The following TEX10 variants were observed in gnomAD, a reference collection of about 807,000 sequenced individuals.
The protein encoded by TEX10 is testis expressed 10.
Under a neutral mutation model 104.4 loss-of-function variants are expected in TEX10, and 24 were observed. That is an observed-to-expected ratio of 0.23 (90% CI 0.17 to 0.32). TEX10 has a LOEUF of 0.32. TEX10 is among the 10% of genes least tolerant of loss of function. TEX10 has a pLI of 1.00. For synonymous variants in TEX10, 396 were observed against 393.4 expected (o/e 1.01, Z -0.08); for missense variants, 921 against 1,083.9 (o/e 0.85, Z 2.11).
In TEX10 at chr9:100,334,090, T is replaced by C. The variant is rs1485006776; in HGVS notation, c.1251-3921A>G. On this transcript the variant is annotated intron_variant, in intron 5 of 14. Coordinates refer to ENST00000374902, the MANE Select transcript of TEX10 (RefSeq NM_017746.4). ...AAAGGGAAGAAGAGAAATTGGCAAATGTTTAAAAGATAATACGTTTTTCAG... is the reference window on the plus strand; with the variant it reads ...AAAGGGAAGAAGAGAAATTGGCAAACGTTTAAAAGATAATACGTTTTTCAG... Among the ~76,000 whole-genome samples, 5 of 152,226 alleles carry C rather than the reference T, an allele frequency of 3.3e-5. No homozygotes were observed. The East Asian group carries it at 5.8e-4, about 18-fold the overall frequency.
chr9:100,308,703 T>C (rs1834200694), intron 12 of TEX10, 22 bp from the exon 13 acceptor site: 1 of 1,564,990 alleles, frequency 6.4e-7, no homozygotes, highest in Non-Finnish European at 8.6e-7. Context: ...AAAACGAGAT[T>C]AATCACCTCT....
At chr9:100,346,667 T>C (rs1166137775) in intron 3 of TEX10, 27 bp downstream of exon 3, 1 of 1,577,130 alleles carries the variant, frequency 6.3e-7, no homozygotes, top group South Asian at 1.2e-5. Flanking sequence ...AGCAAAACTG[T>C]GTGGACATAA....
Position 100,349,382 on chromosome 9 carries a change from A to G in TEX10, c.-9-10T>C. The G allele has an allele frequency of 6.5e-7, 1 of 1,529,928 alleles. No individual in the cohort carries two copies. Among genetic ancestry groups the G allele is most frequent in the Non-Finnish European group, 8.8e-7 (1 of 1,141,512 alleles). The allele number at this position is 1,529,928 out of a possible 1,614,324, so 94.8% of individuals were successfully genotyped here. On this transcript the variant is annotated splice_polypyrimidine_tract_variant and intron_variant, in intron 1 of 14. Transcript: ENST00000374902. ...TAGTCATTCTCGACTACTATAATGA[A>G]AAGAATTAATTAAAAGCAATGGATA...
intron 7 of TEX10, 139 bp downstream of exon 7, chr9:100,329,001 C>T (rs1345786254): frequency 1.0e-6 from 1 of 955,666 alleles, no homozygotes; most frequent in African/African-American, 1.7e-5. Context: ...AAATTTTATA[C>T]CATTTCTTAA....
chr9:100,329,329 CCCAAATT>C, intron 6 of TEX10, 54 bp from the exon 7 acceptor site: 1 of 1,569,170 alleles, frequency 6.4e-7, no homozygotes, highest in East Asian at 2.3e-5. Flanking sequence ...TTTAACAGCC[CCCAAATT>C]CCTCTGAATG....
chr9:100,335,218 T>G (rs1026708532), intron 5 of TEX10, among the ~76,000 whole-genome samples: 2 of 152,126 alleles, frequency 1.3e-5, no homozygotes, highest in African/African-American at 4.8e-5. Flanking sequence ...TTTTTTTTTC[T>G]TTTTGGAGAA....
At chr9:100,304,883 T>C (rs1188166941) in intron 13 of TEX10, 1 of 151,968 alleles carries the variant, frequency 6.6e-6, no homozygotes, top group Non-Finnish European at 1.5e-5. Flanking sequence ...TCAAGATAGA[T>C]TAAGAATTCA....
chr9:100,302,371 T>G, intron 14 of TEX10, 67 bp from the exon 15 acceptor site: 1 of 1,122,076 alleles, frequency 8.9e-7, no homozygotes, highest in Non-Finnish European at 1.3e-6. Context: ...ACAGTATTTT[T>G]CACACCCAAA....
chr9:100,320,376 A>G lies in TEX10; in HGVS notation c.2091T>C (p.Thr697=). The change falls in exon 11 of 15, where the codon ACT becomes ACC. Residue 697 remains threonine (T), a synonymous_variant. Coordinates refer to ENST00000374902, the MANE Select transcript of TEX10 (RefSeq NM_017746.4). ...TLTGFSKEEL[T]WLQSLRGVPH... ...GAACTCCTCGAAGGCTCTGAAGCCA[A>G]GTCAACTCCTCTTTCGAAAACCCTA... 1 of 1,611,132 alleles carries G rather than the reference A, an allele frequency of 6.2e-7. No homozygotes were observed. The highest frequency in any genetic ancestry group is 2.2e-5 in the East Asian group (1 of 44,840).
intron 9 of TEX10, among the ~76,000 whole-genome samples, chr9:100,323,686 GTT>G (rs1472120176): frequency 6.6e-6 from 1 of 152,204 alleles, no homozygotes; most frequent in African/African-American, 2.4e-5. Flanking sequence ...TAGCTGATGG[GTT>G]TTTAACACAT....
Position 100,332,769 on chromosome 9 carries a change from C to T in TEX10, c.1251-2600G>A, listed in dbSNP as rs552703544. The stretch of plus-strand genomic sequence containing the variant: ...CCGGGAGGTGGAGCTTGCAGTGAGC[C>T]GAGATCATGCCACTGCACTCCGGCC... On this transcript the variant is annotated intron_variant, in intron 5 of 14. Coordinates refer to ENST00000374902, the MANE Select transcript of TEX10 (RefSeq NM_017746.4). Among the ~76,000 whole-genome samples, 29 of 151,524 alleles carry T rather than the reference C, an allele frequency of 1.9e-4. No individual in the cohort carries two copies. The South Asian group carries it at 5.6e-3, about 29-fold the overall frequency.
At chr9:100,352,700 G>C in intron 1 of TEX10, 72 bp downstream of exon 1, 1 of 1,309,312 alleles carries the variant, frequency 7.6e-7, no homozygotes, top group Non-Finnish European at 9.7e-7. Flanking sequence ...CCGCGGATCG[G>C]GGGGCGACGG....
At position 100,329,188 on chromosome 9, in the gene TEX10, A is replaced by C. The variant is rs1470904843; in HGVS notation, c.1577T>G (p.Phe526Cys). ...TTCTGTCTGATAGATTTTACTGAAA[A>C]ACTTCAATAACAAAGTCCGAACTGG... is the stretch of plus-strand genomic sequence containing the variant. ...ILPVRTLLLKFFSKIYQTEEL... is the reference protein window; with the variant it reads ...ILPVRTLLLKCFSKIYQTEEL... Residue 526 changes from phenylalanine (F) to cysteine (C), a missense_variant, in exon 7 of 15, where the codon TTT becomes TGT. This residue lies in a region of TEX10 where 753 missense variants were observed against 868.4 expected (regional missense o/e 0.87). Transcript: ENST00000374902. 6.2e-7 allele frequency: 1 copy of C among 1,612,080 alleles called. No homozygotes were observed. Among genetic ancestry groups the C allele is most frequent in the Non-Finnish European group, 8.5e-7 (1 of 1,179,452 alleles).
intron 9 of TEX10, among the ~76,000 whole-genome samples, chr9:100,322,805 G>A (rs1834603349): frequency 6.6e-6 from 1 of 151,984 alleles, no homozygotes; most frequent in Non-Finnish European, 1.5e-5. Context: ...TAGTAGAGAT[G>A]GGGTTTCACC....
At chr9:100,342,873 CGCGTTGGCTCAT>C (rs1420203878) in intron 4 of TEX10, among the ~76,000 whole-genome samples, 2 of 152,050 alleles carry the variant, frequency 1.3e-5, no homozygotes, top group African/African-American at 4.8e-5. Flanking sequence ...ATCGGCCGGG[CGCGTTGGCTCAT>C]GCCTGTAATC....
At chr9:100,349,561 C>A (rs902234978) in intron 1 of TEX10, among the ~76,000 whole-genome samples, 189 bp from the exon 2 acceptor site, 7 of 152,180 alleles carry the variant, frequency 4.6e-5, no homozygotes, top group Non-Finnish European at 8.8e-5. Context: ...TGATAAAATA[C>A]TGTAACAAGG....
chr9:100,328,522 C>T (rs149210243), intron 7 of TEX10, among the ~76,000 whole-genome samples: 1 of 152,282 alleles, frequency 6.6e-6, no homozygotes, highest in East Asian at 1.9e-4. Flanking sequence ...TGGAAGCTAA[C>T]AGTATCCACC....
In TEX10 at chr9:100,346,115, A is replaced by C. The variant is rs1835293215; in HGVS notation, c.1094T>G (p.Leu365Arg). The change falls in exon 4 of 15, where the codon CTT becomes CGT. Residue 365 changes from leucine to arginine, a missense_variant. Coordinates refer to ENST00000374902, the MANE Select transcript of TEX10 (RefSeq NM_017746.4). ...CTGTTGTTTAGAGAGTTTCCACAGA[A>C]GGGAAATAATATTAAGAACTTGCTG... ...VMQQVLNIIS[L>R]LWKLSKQQDE... The C allele has an allele frequency of 1.2e-6, 2 of 1,613,984 alleles. No individual in the cohort carries two copies. The highest frequency in any genetic ancestry group is 1.7e-6 in the Non-Finnish European group (2 of 1,179,910).
intron 9 of TEX10, 109 bp from the exon 10 acceptor site, chr9:100,321,880 A>G (rs1197907038): frequency 1.3e-6 from 1 of 742,916 alleles, no homozygotes; most frequent in Non-Finnish European, 2.2e-6. Flanking sequence ...AGTTTGATTT[A>G]GTAGCTTAAA....
Sources: allele counts gnomAD v4.1 joint callset (sites outside exome capture counted in the v4.1 genomes callset), GRCh38; gene constraint gnomAD v4.1.1; regional missense constraint gnomAD v4.1.1; transcripts MANE v1.5; gene names NCBI Gene and HGNC (gene_info 2026-07-23, HGNC 2026-07-21).